The following FAT3 variants were observed in gnomAD, a reference collection of about 807,000 sequenced individuals.
FAT3 encodes protocadherin Fat 3.
A neutral mutation model predicts 310.2 loss-of-function variants in FAT3; 95 were observed. The observed-to-expected ratio is 0.31, with a 90% CI of 0.26 to 0.36. FAT3 has a LOEUF of 0.36. Among genes scored for constraint, FAT3 ranks in the 10% least tolerant of loss-of-function variants. FAT3 has a pLI of 1.00. For missense variants in FAT3, 5,408 were observed against 5,715.6 expected (o/e 0.95, Z 1.74); for synonymous variants, 2,314 against 2,192.9 (o/e 1.06, Z -1.54).
intron 2 of FAT3, among the ~76,000 whole-genome samples, chr11:92,424,738 C>T (rs575075015): frequency 2.5e-4 from 38 of 152,120 alleles, no homozygotes; most frequent in Non-Finnish European, 4.3e-4. Flanking sequence ...GATATTCAAC[C>T]TGATGTTCAC....
chr11:92,355,920 C>T (rs1948716071), intron 2 of FAT3, among the ~76,000 whole-genome samples: 1 of 152,104 alleles, frequency 6.6e-6, no homozygotes, highest in Non-Finnish European at 1.5e-5. Flanking sequence ...GGCATTTGCA[C>T]TCTGTAGCTC....
At chr11:92,643,488 C>G (rs957706884) in intron 3 of FAT3, among the ~76,000 whole-genome samples, 1 of 152,190 alleles carries the variant, frequency 6.6e-6, no homozygotes, top group Non-Finnish European at 1.5e-5. Flanking sequence ...TAGCTTTGGG[C>G]AAGTCCCTTA....
chr11:92,272,550 C>T (rs758633432), intron 1 of FAT3, among the ~76,000 whole-genome samples: 1 of 151,502 alleles, frequency 6.6e-6, no homozygotes, highest in Non-Finnish European at 1.5e-5. Flanking sequence ...ATGAGTTAGG[C>T]CAGTAGAAAG....
intron 24 of FAT3, 67 bp from the exon 25 acceptor site, chr11:92,886,933 G>C: frequency 1.6e-6 from 2 of 1,251,108 alleles, no homozygotes; most frequent in Non-Finnish European, 2.3e-6. Flanking sequence ...GAGAGGGGTG[G>C]GTGGGACTGG....
intron 7 of FAT3, among the ~76,000 whole-genome samples, chr11:92,779,586 C>A (rs1238967407): frequency 1.3e-5 from 2 of 152,094 alleles, no homozygotes; most frequent in Admixed American, 6.5e-5. Context: ...TCATTTAACT[C>A]TTACAGTTAC....
intron 2 of FAT3, among the ~76,000 whole-genome samples, chr11:92,450,981 A>G (rs1450503514): frequency 6.6e-6 from 1 of 152,198 alleles, no homozygotes; most frequent in Non-Finnish European, 1.5e-5. Context: ...TAGTTTCAAG[A>G]TAATTTTCCC....
At chr11:92,327,113 A>G (rs1947787492) in intron 1 of FAT3, among the ~76,000 whole-genome samples, 1 of 152,164 alleles carries the variant, frequency 6.6e-6, no homozygotes, top group African/African-American at 2.4e-5. Flanking sequence ...ACTTTTGCTT[A>G]TCATGCAACT....
At chr11:92,744,797 A>G (rs1945610105) in intron 4 of FAT3, among the ~76,000 whole-genome samples, 1 of 152,208 alleles carries the variant, frequency 6.6e-6, no homozygotes, top group Non-Finnish European at 1.5e-5. Flanking sequence ...AAGAAAGCAT[A>G]TTTCTGGGCC....
intron 4 of FAT3, among the ~76,000 whole-genome samples, chr11:92,748,553 T>C (rs1453478152): frequency 6.6e-6 from 1 of 152,166 alleles, no homozygotes; most frequent in Non-Finnish European, 1.5e-5. Context: ...ATGAAAACTT[T>C]CCCTTATAAA....
At chr11:92,386,449 C>T (rs972830910) in intron 2 of FAT3, among the ~76,000 whole-genome samples, 6 of 152,120 alleles carry the variant, frequency 3.9e-5, no homozygotes, top group Non-Finnish European at 7.4e-5. Flanking sequence ...GAAACGTTTC[C>T]CATGTAGTAT....
At chr11:92,664,954 A>G (rs1310461137) in intron 3 of FAT3, among the ~76,000 whole-genome samples, 1 of 152,126 alleles carries the variant, frequency 6.6e-6, no homozygotes, top group African/African-American at 2.4e-5. Flanking sequence ...AACACTTGTA[A>G]TTTGGTCATA....
intron 3 of FAT3, among the ~76,000 whole-genome samples, chr11:92,680,545 G>A (rs12296093): frequency 0.027 from 4,136 of 152,200 alleles, 207 homozygotes; most frequent in African/African-American, 0.094. Context: ...ACAATATGAT[G>A]CTTCCAGCTT....
rs1461446011 is a variant in FAT3, at chr11:92,799,020, AT to A, written c.6009del (p.Ile2003MetfsTer13). ...CAACACTAACATAACCAAAGTTGCT[AT>A]TGTCAATGCAGTTGGAAATCGCCTT... ...ENNTNITKVA[I>X]VNAVGNRLNE... On this transcript the variant is annotated frameshift_variant, in exon 10 of 28. Coordinates refer to ENST00000525166, the MANE Select transcript of FAT3 (RefSeq NM_001367949.2). LOFTEE classifies it high-confidence loss of function. 1 of 1,613,936 alleles carries A rather than the reference AT, an allele frequency of 6.2e-7. No homozygotes were observed. The highest frequency in any genetic ancestry group is 1.7e-5 in the Admixed American group (1 of 60,018).
chr11:92,395,154 T>C lies in FAT3; in HGVS notation c.3292+39750T>C, dbSNP rs187010203. On this transcript the variant is annotated intron_variant, in intron 2 of 27. Coordinates refer to ENST00000525166, the MANE Select transcript of FAT3 (RefSeq NM_001367949.2). ...GAGTACTAAAGACATTTTCCTCCAATTTTTCCAGATATATTCTCTTTTGGT... is the reference window on the plus strand; with the variant it reads ...GAGTACTAAAGACATTTTCCTCCAACTTTTCCAGATATATTCTCTTTTGGT... Among the ~76,000 whole-genome samples the C allele has an allele frequency of 5.9e-5, 9 of 152,324 alleles. No individual in the cohort carries two copies. In the East Asian group the frequency reaches 1.7e-3, roughly 29 times the overall value.
chr11:92,538,566 C>G (rs140093916), intron 3 of FAT3, among the ~76,000 whole-genome samples: 1 of 152,030 alleles, frequency 6.6e-6, no homozygotes, highest in East Asian at 1.9e-4. Flanking sequence ...TCTTGAAAAT[C>G]GATGAATAAT....
intron 2 of FAT3, among the ~76,000 whole-genome samples, chr11:92,429,994 C>G (rs1308953815): frequency 6.6e-6 from 1 of 152,170 alleles, no homozygotes; most frequent in Non-Finnish European, 1.5e-5. Flanking sequence ...TCCATTCTCC[C>G]CATCACTTTC....
chr11:92,629,244 C>A lies in FAT3; in HGVS notation c.3608-68140C>A, dbSNP rs549408637. ...AAGATATAGTAGCAGTGGGAAAATT[C>A]AGTTACTCATAACTAAGCTAGAAAT... On this transcript the variant is annotated intron_variant, in intron 3 of 27. Coordinates refer to ENST00000525166, the MANE Select transcript of FAT3 (RefSeq NM_001367949.2). 3.9e-5 allele frequency among the ~76,000 whole-genome samples: 6 copies of A among 152,226 alleles called. No individual in the cohort carries two copies. The South Asian group carries it at 1.2e-3, about 32-fold the overall frequency.
At chr11:92,410,194 A>G (rs1209156625) in intron 2 of FAT3, among the ~76,000 whole-genome samples, 5 of 152,032 alleles carry the variant, frequency 3.3e-5, no homozygotes, top group Non-Finnish European at 4.4e-5. Context: ...GTGGAATTCT[A>G]CAAATCCAGA....
At position 92,893,226 on chromosome 11, in the gene FAT3, T is replaced by C. The variant is rs1424181055; in HGVS notation, c.*2113T>C. The C allele has an allele frequency of 6.6e-6, 1 of 152,228 alleles. No homozygotes were observed. Among genetic ancestry groups the C allele is most frequent in the East Asian group, 1.9e-4 (1 of 5,198 alleles). 9.4% of individuals were successfully genotyped at this position (152,228 alleles called of 1,614,324 possible). A position where few individuals can be genotyped will look rare whatever the true frequency, so the allele number is the denominator to read the frequency against. Reference sequence around the variant, plus strand: ...TGGATACACTACACTTCACAAGTTTTCCAGCCTTTCTCTTCCTGTCTCTTG... The same window carrying C: ...TGGATACACTACACTTCACAAGTTTCCCAGCCTTTCTCTTCCTGTCTCTTG... On this transcript the variant is annotated 3_prime_UTR_variant, in exon 28 of 28. Transcript: ENST00000525166.
Sources: gnomAD v4.1 joint callset for allele counts (sites outside exome capture counted in the v4.1 genomes callset) on GRCh38, gnomAD v4.1.1 for gene constraint, MANE v1.5 for transcripts, NCBI Gene and HGNC (gene_info 2026-07-23, HGNC 2026-07-21) for gene names.